MAGEE1: variants seen among roughly 807,000 people sequenced by gnomAD.
MAGEE1 encodes the protein MAGE family member E1, also known as melanoma-associated antigen E1.
MAGEE1 carries 3 observed loss-of-function variants against 12.0 expected under a neutral mutation model. The ratio of observed to expected loss-of-function variants is 0.25; its 90% CI spans 0.11 to 0.65. The LOEUF (loss-of-function observed/expected upper bound fraction) is 0.65. Among genes scored for constraint, MAGEE1 ranks in the 30% least tolerant of loss-of-function variants. The pLI is 0.84. For missense variants in MAGEE1, 729 were observed against 772.2 expected, an observed-to-expected ratio of 0.94 and a Z score of 0.66; for synonymous variants, 414 against 326.1, an observed-to-expected ratio of 1.27 and a Z score of -2.91.
rs782182240 is a variant in MAGEE1 at position 76,429,172 on chromosome X, A to G, written c.1242A>G (p.Thr414=). 8.3e-7 allele frequency: 1 copy of G among 1,212,119 alleles called. No individual in the cohort carries two copies. Among genetic ancestry groups the G allele is most frequent in the Non-Finnish European group, 1.1e-6 (1 of 895,572 alleles). The part of the protein sequence containing the change: ...VLPNPGEGPS[T]LFSSSASVDR... ...CTAACCCTGGTGAGGGCCCGAGCAC[A>G]TTGTTTAGCTCTAGTGCTTCTGTGG... Residue 414 remains threonine, a synonymous_variant, in exon 1 of 1, where the codon ACA becomes ACG. Coordinates refer to ENST00000361470, the MANE Select transcript of MAGEE1 (RefSeq NM_020932.3).
chrX:76,429,610 G>A lies in MAGEE1; in HGVS notation c.1680G>A (p.Leu560=). The change falls in exon 1 of 1, where the codon CTG becomes CTA. Residue 560 remains leucine, a synonymous_variant. Coordinates refer to ENST00000361470, the MANE Select transcript of MAGEE1 (RefSeq NM_020932.3). The part of the protein sequence containing the change: ...ELDPEAHTYI[L]LNKLGPVPFE... ...ACCCTGAGGCACACACCTACATTCT[G>A]TTAAACAAACTGGGACCTGTGCCCT... 4 of 1,211,101 alleles carry A rather than the reference G, an allele frequency of 3.3e-6. No individual in the cohort carries two copies. The highest frequency in any genetic ancestry group is 2.2e-5 in the Admixed American group (1 of 45,963).
rs200924313 is a variant in MAGEE1, at chrX:76,428,945, G to A, written c.1015G>A (p.Glu339Lys). 19 of 1,207,446 alleles carry A rather than the reference G, an allele frequency of 1.6e-5. No individual in the cohort carries two copies. Among genetic ancestry groups the A allele is most frequent in the Non-Finnish European group, 2.1e-5 (19 of 894,449 alleles). ...CTCCGTGCCGCCCACCGCCACTGAG[G>A]AGTTGAGCACCTCCGTGCCGCCCAC... ...STSVPPTATEELSTSVPPTPG... is the reference protein window; with the variant it reads ...STSVPPTATEKLSTSVPPTPG... The change falls in exon 1 of 1, where the codon GAG becomes AAG. Residue 339 changes from glutamate to lysine, a missense_variant. Around this residue, in one of 4 missense-constraint regions of MAGEE1, gnomAD observed 473 missense variants for 423.7 expected, o/e 1.12. Transcript: ENST00000361470.
rs782655947 is a variant in MAGEE1, at chrX:76,430,453, C to T, written c.2523C>T (p.Val841=). The part of the protein sequence containing the change: ...NRPGNNFLMQ[V]LSFIFIMGNH... ...CTGGCAACAACTTTTTGATGCAGGT[C>T]CTAAGCTTCATCTTTATTATGGGCA... The change falls in exon 1 of 1, where the codon GTC becomes GTT. Residue 841 remains valine (V), a synonymous_variant. Transcript: ENST00000361470. The T allele has an allele frequency of 8.3e-7, 1 of 1,208,366 alleles. No homozygotes were observed. The highest frequency in any genetic ancestry group is 1.8e-5 in the African/African-American group (1 of 57,138).
chrX:76,429,385 G>A lies in MAGEE1; in HGVS notation c.1455G>A (p.Leu485=), dbSNP rs781956239. The part of the protein sequence containing the change: ...GLNTSRVAIT[L]KPQDPMEQNV... Reference sequence around the variant, plus strand: ...ATACTTCCCGGGTTGCAATTACCCTGAAGCCCCAAGACCCTATGGAACAGA... The same window carrying A: ...ATACTTCCCGGGTTGCAATTACCCTAAAGCCCCAAGACCCTATGGAACAGA... The change falls in exon 1 of 1, where the codon CTG becomes CTA. Residue 485 remains leucine (L), a synonymous_variant. Transcript: ENST00000361470. 5 of 1,211,897 alleles carry A rather than the reference G, an allele frequency of 4.1e-6. No individual in the cohort carries two copies. The highest frequency in any genetic ancestry group is 2.2e-6 in the Non-Finnish European group (2 of 895,580).
In MAGEE1 at chrX:76,429,376, A is replaced by C. The variant is rs1569336569; in HGVS notation, c.1446A>C (p.Ala482=). 2.5e-6 allele frequency: 3 copies of C among 1,211,702 alleles called. No individual in the cohort carries two copies. The highest frequency in any genetic ancestry group is 3.5e-5 in the South Asian group (2 of 56,971). The stretch of plus-strand genomic sequence containing the variant: ...TGGGCCTCAATACTTCCCGGGTTGC[A>C]ATTACCCTGAAGCCCCAAGACCCTA... ...SIMGLNTSRV[A]ITLKPQDPME... Residue 482 remains alanine, a synonymous_variant, in exon 1 of 1, where the codon GCA becomes GCC. Coordinates refer to ENST00000361470, the MANE Select transcript of MAGEE1 (RefSeq NM_020932.3).
Position 76,431,093 on chromosome X carries a change from A to G in MAGEE1, c.*289A>G. 3.4e-6 allele frequency: 1 copy of G among 291,886 alleles called. No individual in the cohort carries two copies. The highest frequency in any genetic ancestry group is 5.7e-5 in the East Asian group (1 of 17,543). The allele number at this position is 291,886 out of a possible 1,213,427, so 24.1% of individuals were successfully genotyped here. ...GGAAATCTTTCCATCTTGTTGCATT[A>G]TCTAGAAAAGAATATAGCATATAGC... On this transcript the variant is annotated 3_prime_UTR_variant, in exon 1 of 1. Coordinates refer to ENST00000361470, the MANE Select transcript of MAGEE1 (RefSeq NM_020932.3).
At position 76,430,840 on chromosome X, in the gene MAGEE1, G is replaced by A; in HGVS notation, c.*36G>A. 9.6e-7 allele frequency: 1 copy of A among 1,038,431 alleles called. No individual in the cohort carries two copies. Among genetic ancestry groups the A allele is most frequent in the Non-Finnish European group, 1.3e-6 (1 of 772,134 alleles). The allele number at this position is 1,038,431 out of a possible 1,213,427, so 85.6% of individuals were successfully genotyped here. Reference sequence around the variant, plus strand: ...GGCAGTCAGAGGGGCCTTGCAAGGAGGGGCCTTTGAGCCTCAGTTCTCATG... The same window carrying A: ...GGCAGTCAGAGGGGCCTTGCAAGGAAGGGCCTTTGAGCCTCAGTTCTCATG... On this transcript the variant is annotated 3_prime_UTR_variant, in exon 1 of 1. Coordinates refer to ENST00000361470, the MANE Select transcript of MAGEE1 (RefSeq NM_020932.3).
Position 76,430,517 on chromosome X carries a change from G to T in MAGEE1, c.2587G>T (p.Gly863Cys), listed in dbSNP as rs1397950577. Reference sequence around the variant, plus strand: ...GTCTGCAGTCTGGGCCTTTCTGCGGGGCTTAGGGGTTCAAGCTGGGAGAAA... The same window carrying T: ...GTCTGCAGTCTGGGCCTTTCTGCGGTGCTTAGGGGTTCAAGCTGGGAGAAA... ...RESAVWAFLR[G>C]LGVQAGRKHV... The change falls in exon 1 of 1, where the codon GGC becomes TGC. Residue 863 changes from glycine (G) to cysteine (C), a missense_variant. Gly to Cys is a radical substitution (Grantham distance 159). Transcript: ENST00000361470. The T allele has an allele frequency of 8.3e-7, 1 of 1,207,494 alleles. No homozygotes were observed. Among genetic ancestry groups the T allele is most frequent in the East Asian group, 3.0e-5 (1 of 33,730 alleles).
At position 76,428,279 on chromosome X, in the gene MAGEE1, C is replaced by T; in HGVS notation, c.349C>T (p.Pro117Ser). The change falls in exon 1 of 1, where the codon CCT (proline) becomes TCT (serine). Residue 117 changes from proline to serine, a missense_variant. By Grantham distance (74) the Pro-to-Ser change is moderately conservative. Transcript: ENST00000361470. Reference sequence around the variant, plus strand: ...CAGTGAGGGCCTAAGCACCTCCGGGCCTCCCACCATCTCTAAGGGGCTGTG... The same window carrying T: ...CAGTGAGGGCCTAAGCACCTCCGGGTCTCCCACCATCTCTAAGGGGCTGTG... ...TPSEGLSTSGPPTISKGLCTS... is the reference protein window; with the variant it reads ...TPSEGLSTSGSPTISKGLCTS... The T allele has an allele frequency of 8.3e-7, 1 of 1,211,128 alleles. No individual in the cohort carries two copies. Among genetic ancestry groups the T allele is most frequent in the Non-Finnish European group, 1.1e-6 (1 of 895,188 alleles).
rs1556839056 is a variant in MAGEE1, at chrX:76,427,909, G to A, written c.-22G>A. 1 of 1,174,152 alleles carries A rather than the reference G, an allele frequency of 8.5e-7. No homozygotes were observed. The highest frequency in any genetic ancestry group is 1.1e-6 in the Non-Finnish European group (1 of 876,731). On this transcript the variant is annotated 5_prime_UTR_variant, in exon 1 of 1. Transcript: ENST00000361470. Reference sequence around the variant, plus strand: ...GGCCTGTCGGTGTCTGCTCCTACACGCCAACGCCGGTGGGCAGGACCATGT... The same window carrying A: ...GGCCTGTCGGTGTCTGCTCCTACACACCAACGCCGGTGGGCAGGACCATGT...
rs782727950 is a variant in MAGEE1 at position 76,429,137 on chromosome X, T to C, written c.1207T>C (p.Ser403Pro). Residue 403 changes from serine (S) to proline (P), a missense_variant, in exon 1 of 1, where the codon TCC (serine) becomes CCC (proline). By Grantham distance (74) the Ser-to-Pro change is moderately conservative. Transcript: ENST00000361470. ...QPTAPDGPGS[S>P]VLPNPGEGPS... ...CACCGCCCCTGACGGACCGGGAAGC[T>C]CCGTGCTGCCTAACCCTGGTGAGGG... 1 of 1,211,767 alleles carries C rather than the reference T, an allele frequency of 8.3e-7. No homozygotes were observed. The highest frequency in any genetic ancestry group is 1.1e-6 in the Non-Finnish European group (1 of 895,330).
Position 76,430,877 on chromosome X carries a change from G to C in MAGEE1, c.*73G>C. 2 of 611,355 alleles carry C rather than the reference G, an allele frequency of 3.3e-6. 1 individual carries two copies. The allele number at this position is 611,355 out of a possible 1,213,427, so 50.4% of individuals were successfully genotyped here. On this transcript the variant is annotated 3_prime_UTR_variant, in exon 1 of 1. Transcript: ENST00000361470. ...CCTCAGTTCTCATGTATTGGGGGGTGGGGGTGGGTACATATTGTATTTGGT... is the reference window on the plus strand; with the variant it reads ...CCTCAGTTCTCATGTATTGGGGGGTCGGGGTGGGTACATATTGTATTTGGT...
rs368328721 is a variant in MAGEE1, at chrX:76,428,923, C to T, written c.993C>T (p.Ser331=). The change falls in exon 1 of 1, where the codon TCC becomes TCT. Residue 331 remains serine, a synonymous_variant. Coordinates refer to ENST00000361470, the MANE Select transcript of MAGEE1 (RefSeq NM_020932.3). ...PPTPGGGLST[S]VPPTATEELS... is the part of the protein sequence containing the mutation. ...CCCCTGGTGGGGGACTGAGCACCTC[C>T]GTGCCGCCCACCGCCACTGAGGAGT... 46 of 1,207,532 alleles carry T rather than the reference C, an allele frequency of 3.8e-5. No individual in the cohort carries two copies. The highest frequency in any genetic ancestry group is 3.0e-4 in the East Asian group (10 of 33,618).
chrX:76,429,019 A>G lies in MAGEE1; in HGVS notation c.1089A>G (p.Gly363=), dbSNP rs1556839572. 1 of 1,209,590 alleles carries G rather than the reference A, an allele frequency of 8.3e-7. No individual in the cohort carries two copies. The highest frequency in any genetic ancestry group is 3.0e-5 in the East Asian group (1 of 33,702). ...STSVLPIPGE[G]LSTSVPPTAS... Reference sequence around the variant, plus strand: ...CCGTACTGCCAATCCCCGGTGAGGGACTGAGCACCTCTGTGCCGCCCACCG... The same window carrying G: ...CCGTACTGCCAATCCCCGGTGAGGGGCTGAGCACCTCTGTGCCGCCCACCG... The change falls in exon 1 of 1, where the codon GGA becomes GGG. Residue 363 remains glycine (G), a synonymous_variant. Coordinates refer to ENST00000361470, the MANE Select transcript of MAGEE1 (RefSeq NM_020932.3).
At position 76,429,564 on chromosome X, in the gene MAGEE1, G is replaced by A; in HGVS notation, c.1634G>A (p.Arg545Lys). 8.3e-7 allele frequency: 1 copy of A among 1,211,382 alleles called. No homozygotes were observed. The highest frequency in any genetic ancestry group is 1.7e-5 in the African/African-American group (1 of 57,672). ...RAAAHLECIF[R>K]FELRELDPEA... Reference sequence around the variant, plus strand: ...GCAGCCCACCTGGAGTGCATTTTTAGGTTTGAATTGAGAGAACTTGACCCT... The same window carrying A: ...GCAGCCCACCTGGAGTGCATTTTTAAGTTTGAATTGAGAGAACTTGACCCT... The change falls in exon 1 of 1, where the codon AGG (arginine) becomes AAG (lysine). Residue 545 changes from arginine to lysine, a missense_variant. Around this residue, in one of 4 missense-constraint regions of MAGEE1, gnomAD observed 91 missense variants for 133.8 expected, o/e 0.68. Transcript: ENST00000361470.
Position 76,429,176 on chromosome X carries a change from T to G in MAGEE1, c.1246T>G (p.Phe416Val). The G allele has an allele frequency of 8.2e-7, 1 of 1,212,165 alleles. No homozygotes were observed. The highest frequency in any genetic ancestry group is 1.1e-6 in the Non-Finnish European group (1 of 895,551). ...CCCTGGTGAGGGCCCGAGCACATTG[T>G]TTAGCTCTAGTGCTTCTGTGGACCG... is the stretch of plus-strand genomic sequence containing the variant. ...PNPGEGPSTL[F>V]SSSASVDRNP... is the part of the protein sequence containing the mutation. The change falls in exon 1 of 1, where the codon TTT becomes GTT. Residue 416 changes from phenylalanine to valine, a missense_variant. By Grantham distance (50) the Phe-to-Val change is conservative. Transcript: ENST00000361470.
In MAGEE1 at chrX:76,428,744, G is replaced by A. The variant is rs781865942; in HGVS notation, c.814G>A (p.Val272Met). 2.2e-4 allele frequency: 268 copies of A among 1,209,431 alleles called. 1 individual carries two copies. The South Asian group carries it at 4.4e-3, about 20-fold the overall frequency. Residue 272 changes from valine to methionine, a missense_variant, in exon 1 of 1, where the codon GTG becomes ATG. By Grantham distance (21) the Val-to-Met change is conservative. This residue lies in a region of MAGEE1 where 473 missense variants were observed against 423.7 expected (regional missense o/e 1.12). Transcript: ENST00000361470. ...ATPGEGPSTS[V>M]LPAASDGQSI... ...TCCTGGTGAGGGACCGAGCACCTCC[G>A]TGCTGCCCGCCGCCTCTGACGGACA...
At position 76,428,607 on chromosome X, in the gene MAGEE1, C is replaced by A. The variant is rs138349969; in HGVS notation, c.677C>A (p.Ala226Asp). 80 of 1,207,824 alleles carry A rather than the reference C, an allele frequency of 6.6e-5. No homozygotes were observed. In the African/African-American group the frequency reaches 1.3e-3, roughly 19 times the overall value. The change falls in exon 1 of 1, where the codon GCC (alanine) becomes GAC (aspartate). Residue 226 changes from alanine (A) to aspartate (D), a missense_variant. Ala to Asp is a moderately radical substitution (Grantham distance 126). Transcript: ENST00000361470. ...ATEGLSTSVQ[A>D]TPDEGPSTSV... ...GAGGGCCTGAGCACCTCCGTGCAGG[C>A]CACTCCTGATGAGGGACCGAGCACC... is the stretch of plus-strand genomic sequence containing the variant.
In MAGEE1 at chrX:76,429,140, G is replaced by C; in HGVS notation, c.1210G>C (p.Val404Leu). The C allele has an allele frequency of 8.3e-7, 1 of 1,211,790 alleles. No individual in the cohort carries two copies. The highest frequency in any genetic ancestry group is 1.1e-6 in the Non-Finnish European group (1 of 895,333). The change falls in exon 1 of 1, where the codon GTG becomes CTG. Residue 404 changes from valine (V) to leucine (L), a missense_variant. Transcript: ENST00000361470. ...PTAPDGPGSS[V>L]LPNPGEGPST... is the part of the protein sequence containing the mutation. ...CGCCCCTGACGGACCGGGAAGCTCC[G>C]TGCTGCCTAACCCTGGTGAGGGCCC...
Sources: allele counts gnomAD v4.1 joint callset, GRCh38; gene constraint gnomAD v4.1.1; regional missense constraint gnomAD v4.1.1; transcripts MANE v1.5; gene names NCBI Gene and HGNC (gene_info 2026-07-23, HGNC 2026-07-21).